CYP2C19: variants seen among roughly 807,000 people sequenced by gnomAD.
The protein encoded by CYP2C19 is cytochrome P450 2C19.
CYP2C19 carries 59 observed loss-of-function variants against 40.9 expected under a neutral mutation model. The observed-to-expected ratio is 1.44, with a 90% CI of 1.17 to 1.79. The LOEUF (loss-of-function observed/expected upper bound fraction) is 1.79. Among genes scored for constraint, CYP2C19 ranks in the 40% most tolerant of loss-of-function variants. The pLI, the probability that CYP2C19 is intolerant of heterozygous loss-of-function variation, is 0.00. For missense variants in CYP2C19, 754 were observed against 596.9 expected, an observed-to-expected ratio of 1.26 and a Z score of -2.74; for synonymous variants, 253 against 208.7, an observed-to-expected ratio of 1.21 and a Z score of -1.83.
intron 6 of CYP2C19, among the ~76,000 whole-genome samples, chr10:94,833,972 G>C (rs932186131): frequency 2.0e-5 from 3 of 152,068 alleles, no homozygotes; most frequent in African/African-American, 7.2e-5. Flanking sequence ...TTTTTTTGAT[G>C]TGTCTTAGTC....
At chr10:94,849,174 C>G (rs1277602170) in intron 7 of CYP2C19, among the ~76,000 whole-genome samples, 3 of 151,932 alleles carry the variant, frequency 2.0e-5, no homozygotes, top group Admixed American at 6.6e-5. Context: ...ATAGTCTACA[C>G]ATAAGATTTG....
chr10:94,826,655 T>G (rs1849228518), intron 6 of CYP2C19, among the ~76,000 whole-genome samples: 2 of 152,158 alleles, frequency 1.3e-5, no homozygotes, highest in South Asian at 4.1e-4. Context: ...TTTATTTCCT[T>G]CTCCTGCCTA....
At chr10:94,841,820 T>G (rs1282706794) in intron 6 of CYP2C19, among the ~76,000 whole-genome samples, 1 of 152,210 alleles carries the variant, frequency 6.6e-6, no homozygotes, top group East Asian at 1.9e-4. Flanking sequence ...CTTGTGTTAC[T>G]GATGGCTAGT....
At chr10:94,826,059 A>T (rs1471263662) in intron 6 of CYP2C19, among the ~76,000 whole-genome samples, 23 of 151,424 alleles carry the variant, frequency 1.5e-4, no homozygotes. Context: ...TGGTTACTGT[A>T]GCCTTGTAGT....
intron 6 of CYP2C19, among the ~76,000 whole-genome samples, chr10:94,830,090 G>A (rs1466454907): frequency 1.3e-5 from 2 of 152,190 alleles, no homozygotes; most frequent in Non-Finnish European, 2.9e-5. Flanking sequence ...AGTCTGCAGA[G>A]GTTACTGCTG....
At chr10:94,807,931 G>T (rs983477372) in intron 5 of CYP2C19, among the ~76,000 whole-genome samples, 3 of 151,972 alleles carry the variant, frequency 2.0e-5, no homozygotes, top group African/African-American at 7.2e-5. Flanking sequence ...CTGTGCTTTT[G>T]AAGTTTTATC....
rs990415722 is a variant in CYP2C19 at position 94,855,361 on chromosome 10, G to T, written c.*2447G>T. On this transcript the variant is annotated 3_prime_UTR_variant, in exon 9 of 9. Coordinates refer to ENST00000371321, the MANE Select transcript of CYP2C19 (RefSeq NM_000769.4). ...GTGTCAGAGCCAACAATTGGACAAG[G>T]GCAATCTGACTGGAAAGTAGAAGTT... is the stretch of plus-strand genomic sequence containing the variant. Among the ~76,000 whole-genome samples, 16 of 152,174 alleles carry T rather than the reference G, an allele frequency of 1.1e-4. No homozygotes were observed. The highest frequency in any genetic ancestry group is 1.6e-4 in the Non-Finnish European group (11 of 68,036).
At chr10:94,817,351 GT>G (rs1345580480) in intron 5 of CYP2C19, among the ~76,000 whole-genome samples, 5 of 149,894 alleles carry the variant, frequency 3.3e-5, no homozygotes, top group African/African-American at 4.9e-5. Flanking sequence ...ATTTTTTCAT[GT>G]GTTTTTTGGC....
intron 5 of CYP2C19, among the ~76,000 whole-genome samples, chr10:94,802,473 G>T (rs556112344): frequency 2.0e-5 from 3 of 152,134 alleles, no homozygotes; most frequent in Admixed American, 6.5e-5. Context: ...GAGCCTATGG[G>T]TGTCTCTGCA....
intron 7 of CYP2C19, among the ~76,000 whole-genome samples, chr10:94,845,802 G>A (rs1314059606): frequency 6.6e-6 from 1 of 151,912 alleles, no homozygotes; most frequent in Admixed American, 6.6e-5. Flanking sequence ...AAACAAAATT[G>A]TAGACTATTT....
At chr10:94,814,643 G>T (rs186326809) in intron 5 of CYP2C19, among the ~76,000 whole-genome samples, 1 of 151,394 alleles carries the variant, frequency 6.6e-6, no homozygotes, top group African/African-American at 2.4e-5. Flanking sequence ...AGCAGTGTAG[G>T]TTGTTAATGT....
intron 5 of CYP2C19, among the ~76,000 whole-genome samples, chr10:94,803,169 T>C (rs906141346): frequency 6.6e-6 from 1 of 152,236 alleles, no homozygotes; most frequent in Non-Finnish European, 1.5e-5. Flanking sequence ...TGGTTTCTTC[T>C]TATTTGGAGA....
At chr10:94,783,529 T>G (rs1366715686) in intron 5 of CYP2C19, among the ~76,000 whole-genome samples, 1 of 152,170 alleles carries the variant, frequency 6.6e-6, no homozygotes, top group Non-Finnish European at 1.5e-5. Flanking sequence ...ATTGCACCAT[T>G]TTTGAAGAGG....
At chr10:94,824,701 A>T (rs1849185682) in intron 6 of CYP2C19, among the ~76,000 whole-genome samples, 1 of 151,876 alleles carries the variant, frequency 6.6e-6, no homozygotes, top group African/African-American at 2.4e-5. Context: ...ACATGTGCAC[A>T]TTGTGCAGGT....
intron 1 of CYP2C19, among the ~76,000 whole-genome samples, chr10:94,771,108 C>A (rs1395856168): frequency 6.6e-6 from 1 of 152,112 alleles, no homozygotes; most frequent in Non-Finnish European, 1.5e-5. Flanking sequence ...CTGGAAACTT[C>A]CCCAGGTCTG....
At chr10:94,821,640 A>C (rs1169550603) in intron 6 of CYP2C19, among the ~76,000 whole-genome samples, 1 of 152,146 alleles carries the variant, frequency 6.6e-6, no homozygotes, top group East Asian at 1.9e-4. Flanking sequence ...TTACTTTAGA[A>C]ATTTTAAAGA....
chr10:94,769,584 C>T (rs975473814), intron 1 of CYP2C19, among the ~76,000 whole-genome samples: 1 of 152,178 alleles, frequency 6.6e-6, no homozygotes. Flanking sequence ...TTGCACTAGT[C>T]TCCACAGACT....
chr10:94,848,218 A>T (rs1849601529), intron 7 of CYP2C19, among the ~76,000 whole-genome samples: 1 of 152,156 alleles, frequency 6.6e-6, no homozygotes, highest in African/African-American at 2.4e-5. Flanking sequence ...TAGGTCTAAC[A>T]TTTAAGTCTT....
chr10:94,820,612 C>A lies in CYP2C19; in HGVS notation c.936C>A (p.Leu312=), dbSNP rs767006593. The change falls in exon 6 of 9, where the codon CTC becomes CTA. Residue 312 remains leucine (L), a synonymous_variant. Coordinates refer to ENST00000371321, the MANE Select transcript of CYP2C19 (RefSeq NM_000769.4). ...TSTTLRYALL[L]LLKHPEVTAK... is the part of the protein sequence containing the mutation. ...CAACCCTGAGATATGCTCTCCTTCTCCTGCTGAAGCACCCAGAGGTCACAG... is the reference window on the plus strand; with the variant it reads ...CAACCCTGAGATATGCTCTCCTTCTACTGCTGAAGCACCCAGAGGTCACAG... The A allele has an allele frequency of 4.3e-6, 7 of 1,614,044 alleles. No individual in the cohort carries two copies. In the Admixed American group the frequency reaches 1.2e-4, roughly 27 times the overall value.
Sources: allele counts gnomAD v4.1 joint callset (sites outside exome capture counted in the v4.1 genomes callset), GRCh38; gene constraint gnomAD v4.1.1; transcripts MANE v1.5; gene names NCBI Gene and HGNC (gene_info 2026-07-23, HGNC 2026-07-21).